TRABD2B: variants seen among roughly 807,000 people sequenced by gnomAD.
TRABD2B encodes the protein metalloprotease TIKI2.
Under a neutral mutation model 40.1 loss-of-function variants are expected in TRABD2B, and 14 were observed. The ratio of observed to expected loss-of-function variants is 0.35; its 90% CI spans 0.23 to 0.55. The LOEUF (loss-of-function observed/expected upper bound fraction) is 0.55, where lower values mean the gene tolerates loss of function less well. Among genes scored for constraint, TRABD2B ranks in the 20% least tolerant of loss-of-function variants. The pLI, the probability that TRABD2B is intolerant of heterozygous loss-of-function variation, is 0.90. For missense variants in TRABD2B, 541 were observed against 648.6 expected (o/e 0.83, Z 1.80); for synonymous variants, 263 against 277.0 (o/e 0.95, Z 0.50).
At chr1:47,767,342 T>C (rs1360253589) in intron 6 of TRABD2B, among the ~76,000 whole-genome samples, 1 of 152,102 alleles carries the variant, frequency 6.6e-6, no homozygotes, top group Admixed American at 6.5e-5. Flanking sequence ...GGGAAGGCCA[T>C]GAGGGCCTCC....
intron 3 of TRABD2B, among the ~76,000 whole-genome samples, chr1:47,800,770 A>C (rs1644812263): frequency 6.6e-6 from 1 of 152,190 alleles, no homozygotes; most frequent in Non-Finnish European, 1.5e-5. Flanking sequence ...ACTATGACCA[A>C]GTGGGAGGAA....
intron 2 of TRABD2B, among the ~76,000 whole-genome samples, chr1:47,926,272 G>A (rs1570301836): frequency 1.3e-5 from 2 of 152,190 alleles, no homozygotes; most frequent in Admixed American, 6.5e-5. Flanking sequence ...AAAAGGCACC[G>A]AGGCCCAAGG....
chr1:47,953,912 C>T (rs989551704), intron 2 of TRABD2B, among the ~76,000 whole-genome samples: 13 of 152,282 alleles, frequency 8.5e-5, no homozygotes, highest in Non-Finnish European at 1.5e-4. Context: ...CACATGAATT[C>T]GGAGAATCAG....
At chr1:47,776,516 T>C (rs1644449334) in intron 5 of TRABD2B, among the ~76,000 whole-genome samples, 1 of 152,168 alleles carries the variant, frequency 6.6e-6, no homozygotes. Context: ...TAAAGTGTCA[T>C]TTGTCACATT....
intron 2 of TRABD2B, among the ~76,000 whole-genome samples, chr1:47,840,528 T>C (rs575999068): frequency 6.6e-6 from 1 of 152,352 alleles, no homozygotes; most frequent in South Asian, 2.1e-4. Flanking sequence ...AGAGCACTCA[T>C]GTTGGCAACA....
chr1:47,923,606 C>T (rs570842469), intron 2 of TRABD2B, among the ~76,000 whole-genome samples: 114 of 152,284 alleles, frequency 7.5e-4, no homozygotes, highest in Admixed American at 3.5e-3. Context: ...TTTGGTCAGA[C>T]ATTATTCTAG....
At chr1:47,900,123 T>C (rs1392516233) in intron 2 of TRABD2B, among the ~76,000 whole-genome samples, 4 of 151,828 alleles carry the variant, frequency 2.6e-5, no homozygotes, top group Non-Finnish European at 5.9e-5. Context: ...CACCTCAGAG[T>C]CGGCTTCCCA....
intron 2 of TRABD2B, among the ~76,000 whole-genome samples, chr1:47,922,057 A>C (rs889527490): frequency 2.0e-5 from 3 of 152,194 alleles, no homozygotes; most frequent in African/African-American, 2.4e-5. Flanking sequence ...AGGGCTGTCC[A>C]TCTGCAAAGC....
intron 2 of TRABD2B, among the ~76,000 whole-genome samples, chr1:47,944,216 G>GTC (rs1645228569): frequency 6.6e-6 from 1 of 152,206 alleles, no homozygotes; most frequent in Non-Finnish European, 1.5e-5. Flanking sequence ...GGAGCAGGGG[G>GTC]AATGGCAGAA....
chr1:47,860,624 G>C (rs1465220857), intron 2 of TRABD2B, among the ~76,000 whole-genome samples: 1 of 152,180 alleles, frequency 6.6e-6, no homozygotes, highest in Non-Finnish European at 1.5e-5. Context: ...GCTATGGTTT[G>C]AATGTGGTTT....
Position 47,943,148 on chromosome 1 carries a change from C to T in TRABD2B, c.666+50886G>A, listed in dbSNP as rs186126961. Among the ~76,000 whole-genome samples, 279 of 152,264 alleles carry T rather than the reference C, an allele frequency of 1.8e-3. 3 individuals are homozygous for T. Among genetic ancestry groups the T allele is most frequent in the East Asian group, 1.5e-3 (8 of 5,184 alleles). Reference sequence around the variant, plus strand: ...GGGGATAACACTGGTTACTCCAGAACGGGGTTCTGAAGATTCAACGAGGAC... The same window carrying T: ...GGGGATAACACTGGTTACTCCAGAATGGGGTTCTGAAGATTCAACGAGGAC... On this transcript the variant is annotated intron_variant, in intron 2 of 6. Coordinates refer to ENST00000606738, the MANE Select transcript of TRABD2B (RefSeq NM_001194986.2).
At chr1:47,779,231 G>C (rs1241836906) in intron 4 of TRABD2B, among the ~76,000 whole-genome samples, 1 of 142,664 alleles carries the variant, frequency 7.0e-6, no homozygotes, top group Non-Finnish European at 1.5e-5. Flanking sequence ...GACTCACTGA[G>C]GTGTAAGATC....
intron 2 of TRABD2B, among the ~76,000 whole-genome samples, chr1:47,829,993 A>G (rs990858341): frequency 2.0e-5 from 3 of 149,546 alleles, no homozygotes; most frequent in African/African-American, 7.4e-5. Flanking sequence ...CTTCCCTGCC[A>G]CCCCCCAAGC....
intron 6 of TRABD2B, among the ~76,000 whole-genome samples, chr1:47,773,093 C>T (rs1041988991): frequency 3.9e-5 from 6 of 152,240 alleles, no homozygotes; most frequent in Non-Finnish European, 7.3e-5. Flanking sequence ...ATTGCTGGAG[C>T]TGACAGCCCA....
intron 2 of TRABD2B, among the ~76,000 whole-genome samples, chr1:47,983,930 G>A (rs1645879237): frequency 6.6e-6 from 1 of 152,204 alleles, no homozygotes; most frequent in South Asian, 2.1e-4. Flanking sequence ...CAGACTCAAG[G>A]CCAAGCAGCT....
intron 2 of TRABD2B, among the ~76,000 whole-genome samples, chr1:47,938,589 C>T (rs1220085462): frequency 6.6e-6 from 1 of 150,380 alleles, no homozygotes; most frequent in Non-Finnish European, 1.5e-5. Context: ...CTTTAGCTTA[C>T]TAACAGCTGG....
At chr1:47,881,175 A>AGTG (rs375024275) in intron 2 of TRABD2B, among the ~76,000 whole-genome samples, 3 of 151,966 alleles carry the variant, frequency 2.0e-5, no homozygotes, top group Admixed American at 6.6e-5. Flanking sequence ...CTTGGGTTGC[A>AGTG]GTGGTGGTGG....
intron 2 of TRABD2B, among the ~76,000 whole-genome samples, chr1:47,989,353 T>C (rs1557698585): frequency 6.6e-6 from 1 of 152,224 alleles, no homozygotes; most frequent in Non-Finnish European, 1.5e-5. Context: ...TGATGCTGCA[T>C]GGTGGAACGG....
intron 2 of TRABD2B, among the ~76,000 whole-genome samples, chr1:47,816,762 G>A (rs939656379): frequency 1.3e-5 from 2 of 152,188 alleles, no homozygotes; most frequent in Non-Finnish European, 2.9e-5. Context: ...TTTGTTCCAT[G>A]ACAGGGAGTA....
Sources: allele counts gnomAD v4.1 joint callset (sites outside exome capture counted in the v4.1 genomes callset), GRCh38; gene constraint gnomAD v4.1.1; transcripts MANE v1.5; gene names NCBI Gene and HGNC (gene_info 2026-07-23, HGNC 2026-07-21).